Variants in MCPH1 observed in about 807,000 individuals in gnomAD.
The protein encoded by MCPH1 is microcephalin.
In MCPH1, 104 loss-of-function variants were observed where a neutral mutation model predicts 84.5. The observed-to-expected ratio is 1.23, with a 90% CI of 1.05 to 1.45. MCPH1 has a LOEUF of 1.45. Among genes scored for constraint, MCPH1 ranks in the 40% most tolerant of loss-of-function variants. The pLI is 0.00. For synonymous variants in MCPH1, 514 were observed against 366.8 expected (o/e 1.40, Z -4.58); for missense variants, 1,498 against 1,005.7 (o/e 1.49, Z -6.62).
At chr8:6,550,967 T>A (rs1002794847) in intron 12 of MCPH1, among the ~76,000 whole-genome samples, 3 of 152,206 alleles carry the variant, frequency 2.0e-5, no homozygotes, top group Non-Finnish European at 4.4e-5. Context: ...CTCTGACTGC[T>A]GTCCTAATAA....
At chr8:6,578,274 G>T (rs373220599) in intron 12 of MCPH1, among the ~76,000 whole-genome samples, 5 of 152,236 alleles carry the variant, frequency 3.3e-5, no homozygotes, top group African/African-American at 1.2e-4. Context: ...AGAGCCTGCA[G>T]CTGTTCACTA....
chr8:6,641,227 T>C lies in MCPH1; in HGVS notation c.2453-1767T>C, dbSNP rs374902287. On this transcript the variant is annotated intron_variant, in intron 13 of 13. Transcript: ENST00000344683. ...TTTTTTCTGCATTTTTTTATGATTTTTCAAAACTGACACCTAGTCAGAAAA... is the reference window on the plus strand; with the variant it reads ...TTTTTTCTGCATTTTTTTATGATTTCTCAAAACTGACACCTAGTCAGAAAA... Among the ~76,000 whole-genome samples the C allele has an allele frequency of 4.6e-5, 7 of 152,344 alleles. No individual in the cohort carries two copies. In the East Asian group the frequency reaches 1.3e-3, roughly 29 times the overall value.
At chr8:6,438,867 T>TG in intron 5 of MCPH1, 86 bp from the exon 6 acceptor site, 1 of 1,238,642 alleles carries the variant, frequency 8.1e-7, no homozygotes, top group Admixed American at 1.8e-5. Context: ...AAACGGGGTG[T>TG]GGGGGGTTGT....
chr8:6,506,903 C>CTT (rs1271721262), intron 12 of MCPH1, among the ~76,000 whole-genome samples: 1 of 143,028 alleles, frequency 7.0e-6, no homozygotes. Flanking sequence ...GTTAATGATG[C>CTT]TTTTTTTTTT....
intron 9 of MCPH1, among the ~76,000 whole-genome samples, chr8:6,466,129 A>ATTTT (rs751729134): frequency 5.1e-5 from 1 of 19,786 alleles, no homozygotes; most frequent in East Asian, 3.4e-3. Context: ...TAATTTTTGG[A>ATTTT]TTTTTTTTTT....
At chr8:6,466,154 C>G (rs533176496) in intron 9 of MCPH1, among the ~76,000 whole-genome samples, 1 of 109,560 alleles carries the variant, frequency 9.1e-6, no homozygotes, top group South Asian at 3.0e-4. Context: ...TTTTTTTTTC[C>G]TGAGACAGAG....
intron 3 of MCPH1, among the ~76,000 whole-genome samples, chr8:6,423,876 A>C (rs927775768): frequency 6.6e-6 from 1 of 152,126 alleles, no homozygotes; most frequent in Non-Finnish European, 1.5e-5. Flanking sequence ...TCTTCTTTCT[A>C]ATTTGTAGAA....
At chr8:6,447,105 A>T (rs1422539487) in intron 8 of MCPH1, 1 of 985,320 alleles carries the variant, frequency 1.0e-6, no homozygotes, top group Admixed American at 6.1e-5. Flanking sequence ...TTACAGACAG[A>T]CGGGAAGTCA....
intron 10 of MCPH1, among the ~76,000 whole-genome samples, chr8:6,479,406 T>TTATG (rs1431256955): frequency 8.0e-5 from 1 of 12,568 alleles, no homozygotes; most frequent in African/African-American, 9.6e-5. Flanking sequence ...CTTTTTCTAT[T>TTATG]TATTTATTTA....
chr8:6,505,212 TATATATATATTCTTATGTATATATAGA>T (rs758053777), intron 12 of MCPH1, among the ~76,000 whole-genome samples: 11,401 of 110,030 alleles, frequency 0.1, 1,337 homozygotes, highest in African/African-American at 0.19. Flanking sequence ...ATATAGAATA[TATATATATATTCTTATGTATATATAGA>T]ATATATATTC....
At chr8:6,422,699 C>T (rs1048296352) in intron 3 of MCPH1, among the ~76,000 whole-genome samples, 1 of 152,136 alleles carries the variant, frequency 6.6e-6, no homozygotes, top group Non-Finnish European at 1.5e-5. Flanking sequence ...TTTTCTTTTT[C>T]TTTTCTGGAG....
intron 12 of MCPH1, among the ~76,000 whole-genome samples, chr8:6,619,906 T>C (rs1394718571): frequency 1.3e-5 from 2 of 152,196 alleles, no homozygotes; most frequent in Non-Finnish European, 2.9e-5. Flanking sequence ...AATTAACTTT[T>C]TGAATGTATG....
In MCPH1 at chr8:6,455,209, T is replaced by TC; in HGVS notation, c.1893dup (p.Lys632GlnfsTer4). 1 of 1,614,074 alleles carries TC rather than the reference T, an allele frequency of 6.2e-7. No homozygotes were observed. Among genetic ancestry groups the TC allele is most frequent in the Middle Eastern group, 1.7e-4 (1 of 6,058 alleles). The stretch of plus-strand genomic sequence containing the variant: ...TCATGTGACGGCTTTAAGGACCTCA[T>TC]CAAACCTCATGAGGAATTGAAGAAA... On this transcript the variant is annotated frameshift_variant, in exon 9 of 14. Coordinates refer to ENST00000344683, the MANE Select transcript of MCPH1 (RefSeq NM_024596.5). LOFTEE classifies it high-confidence loss of function.
At chr8:6,536,521 C>T (rs966821091) in intron 12 of MCPH1, among the ~76,000 whole-genome samples, 1 of 152,088 alleles carries the variant, frequency 6.6e-6, no homozygotes, top group Non-Finnish European at 1.5e-5. Context: ...CCATTTTTAC[C>T]ACCAGAAAAG....
intron 11 of MCPH1, among the ~76,000 whole-genome samples, chr8:6,495,135 G>A (rs146867628): frequency 1.3e-5 from 2 of 152,214 alleles, no homozygotes; most frequent in African/African-American, 4.8e-5. Context: ...TTATTTTCTG[G>A]CTTGAAAATG....
intron 12 of MCPH1, among the ~76,000 whole-genome samples, chr8:6,572,143 G>A (rs1374499204): frequency 1.3e-5 from 2 of 151,704 alleles, no homozygotes; most frequent in East Asian, 3.9e-4. Context: ...AAGAGAGGAT[G>A]CAGTATTAAA....
At chr8:6,460,873 CTTGT>C (rs1275278262) in intron 9 of MCPH1, among the ~76,000 whole-genome samples, 2 of 152,110 alleles carry the variant, frequency 1.3e-5, no homozygotes, top group African/African-American at 2.4e-5. Context: ...ATAGCTGGGG[CTTGT>C]TTGTTTGTTT....
At chr8:6,609,279 G>C (rs1432457619) in intron 12 of MCPH1, among the ~76,000 whole-genome samples, 1 of 152,176 alleles carries the variant, frequency 6.6e-6, no homozygotes, top group East Asian at 1.9e-4. Flanking sequence ...GCGCATGGAC[G>C]GGACCCAGAG....
chr8:6,605,467 G>A (rs62496919), intron 12 of MCPH1, among the ~76,000 whole-genome samples: 6,834 of 152,276 alleles, frequency 0.045, 204 homozygotes, highest in Non-Finnish European at 0.058. Flanking sequence ...AGACTCCGCA[G>A]CAAATAAATC....
Sources: allele counts gnomAD v4.1 joint callset (sites outside exome capture counted in the v4.1 genomes callset), GRCh38; gene constraint gnomAD v4.1.1; transcripts MANE v1.5; gene names NCBI Gene and HGNC (gene_info 2026-07-23, HGNC 2026-07-21).